Variants in CEP290 observed in about 807,000 individuals in gnomAD.
The protein encoded by CEP290 is centrosomal protein of 290 kDa.
In CEP290, 317 loss-of-function variants were observed where a neutral mutation model predicts 344.9. The ratio of observed to expected loss-of-function variants is 0.92; its 90% CI spans 0.84 to 1.01. CEP290 has a LOEUF of 1.01. Among genes scored for constraint, CEP290 ranks in the 50% least tolerant of loss-of-function variants. CEP290 has a pLI of 0.00. For missense variants in CEP290, 2,754 were observed against 2,761.4 expected (o/e 1.00, Z 0.06); for synonymous variants, 932 against 895.8 (o/e 1.04, Z -0.72).
intron 47 of CEP290, 76 bp from the exon 48 acceptor site, chr12:88,060,096 A>G (rs1447495567): frequency 8.2e-7 from 1 of 1,222,706 alleles, no homozygotes; most frequent in African/African-American, 1.6e-5. Context: ...ATAAACTCAT[A>G]AATCTTCAAA....
At chr12:88,052,909 TTCTC>T (rs1012989650) in intron 52 of CEP290, among the ~76,000 whole-genome samples, 7 of 152,100 alleles carry the variant, frequency 4.6e-5, no homozygotes, top group Admixed American at 6.6e-5. Context: ...CTCTGCTCAT[TTCTC>T]TATGAAAACT....
At chr12:88,084,467 T>G in intron 35 of CEP290, 119 bp downstream of exon 35, 1 of 948,900 alleles carries the variant, frequency 1.1e-6, no homozygotes, top group Non-Finnish European at 1.6e-6. Context: ...CAAGTAACAA[T>G]TCTTAAATAG....
chr12:88,065,839 G>C (rs1434696519), intron 44 of CEP290, among the ~76,000 whole-genome samples: 2 of 152,018 alleles, frequency 1.3e-5, no homozygotes, highest in East Asian at 3.9e-4. Flanking sequence ...TAAAACTAAA[G>C]GTATTCGTTG....
intron 22 of CEP290, among the ~76,000 whole-genome samples, chr12:88,110,290 T>C (rs2038588257): frequency 6.6e-6 from 1 of 152,156 alleles, no homozygotes; most frequent in South Asian, 2.1e-4. Context: ...TAACGACCAT[T>C]ATATAGACAG....
At chr12:88,094,725 A>C (rs986363231) in intron 27 of CEP290, among the ~76,000 whole-genome samples, 2 of 152,098 alleles carry the variant, frequency 1.3e-5, no homozygotes, top group African/African-American at 2.4e-5. Flanking sequence ...TAGAAAAAAA[A>C]CAAAATTTGG....
intron 12 of CEP290, among the ~76,000 whole-genome samples, chr12:88,125,936 T>C (rs948556980): frequency 3.9e-5 from 6 of 152,064 alleles, no homozygotes; most frequent in Admixed American, 2.0e-4. Flanking sequence ...GCTTTTAGCT[T>C]ATTTCACATT....
rs2037245790 is a variant in CEP290, at chr12:88,093,989, T to C, written c.3104-14A>G. 1.3e-6 allele frequency: 2 copies of C among 1,567,344 alleles called. No individual in the cohort carries two copies. Among genetic ancestry groups the C allele is most frequent in the South Asian group, 2.4e-5 (2 of 84,940 alleles). ...TAGATTCATTACCTACATGCAATAATATTTAAGTCAATCTCATGCTGTTTA... is the reference window on the plus strand; with the variant it reads ...TAGATTCATTACCTACATGCAATAACATTTAAGTCAATCTCATGCTGTTTA... On this transcript the variant is annotated splice_polypyrimidine_tract_variant and intron_variant, in intron 27 of 53. Transcript: ENST00000552810.
chr12:88,099,201 AC>A (rs1220524095), intron 26 of CEP290, among the ~76,000 whole-genome samples: 2 of 152,186 alleles, frequency 1.3e-5, no homozygotes, highest in Non-Finnish European at 2.9e-5. Context: ...CATTTGGAAA[AC>A]AAAAATGGTA....
chr12:88,077,615 C>T, intron 40 of CEP290, 82 bp downstream of exon 40: 1 of 871,480 alleles, frequency 1.1e-6, no homozygotes, highest in Non-Finnish European at 1.7e-6. Context: ...TAACAAATAC[C>T]ATAGATAAAA....
chr12:88,053,064 G>C (rs937540917), intron 52 of CEP290, among the ~76,000 whole-genome samples: 6 of 152,140 alleles, frequency 3.9e-5, no homozygotes, highest in African/African-American at 1.4e-4. Context: ...ACTTTAGTGA[G>C]GAGGTGATTT....
chr12:88,059,996 G>A lies in CEP290; in HGVS notation c.6547C>T (p.His2183Tyr), dbSNP rs535765861. The A allele has an allele frequency of 7.0e-6, 11 of 1,565,602 alleles. No individual in the cohort carries two copies. Among genetic ancestry groups the A allele is most frequent in the Admixed American group, 2.0e-5 (1 of 50,778 alleles). The change falls in exon 48 of 54, where the codon CAT (histidine) becomes TAT (tyrosine). Residue 2183 changes from histidine (H) to tyrosine (Y), a missense_variant. By Grantham distance (83) the His-to-Tyr change is moderately conservative (BLOSUM62 2). Transcript: ENST00000552810. ...LKAELEKLKA[H>Y]LGHQLSMHYE... ...TGCATGCTCAACTGATGCCCAAGATGAGCTTTAAGTTTTTCTAATTCAGCC... is the reference window on the plus strand; with the variant it reads ...TGCATGCTCAACTGATGCCCAAGATAAGCTTTAAGTTTTTCTAATTCAGCC...
Position 88,049,291 on chromosome 12 carries a change from CCTTCTCTTCTAAGAGAATATTCTT to C in CEP290, c.7309_7332del (p.Lys2437_Lys2444del). 1 of 1,605,640 alleles carries C rather than the reference CCTTCTCTTCTAAGAGAATATTCTT, an allele frequency of 6.2e-7. No individual in the cohort carries two copies. The highest frequency in any genetic ancestry group is 8.5e-7 in the Non-Finnish European group (1 of 1,174,272). Reference sequence around the variant, plus strand: ...CCCAATTGTTCTGAAAGTTTTTTTACCTTCTCTTCTAAGAGAATATTCTTCTTCACTTCTTCCTTGTAATTATAC... The same window carrying C: ...CCCAATTGTTCTGAAAGTTTTTTTACCTTCACTTCTTCCTTGTAATTATAC... On this transcript the variant is annotated inframe_deletion, in exon 54 of 54. Transcript: ENST00000552810.
intron 12 of CEP290, among the ~76,000 whole-genome samples, chr12:88,125,838 A>T (rs532122024): frequency 2.8e-4 from 42 of 152,186 alleles, no homozygotes; most frequent in African/African-American, 9.4e-4. Context: ...GACTATAACT[A>T]CAGCACAAAT....
In CEP290 at chr12:88,130,553, T is replaced by A. The variant is rs772170760; in HGVS notation, c.508A>T (p.Lys170Ter). ...CACACTTAAAGCCTCACCTTTTTCT[T>A]TAGACGTTTGTTCTACAGAAAAGGA... ...SKLRRENKRL[K>*]KKNEQLCQDI... The change falls in exon 8 of 54, where the codon AAG becomes TAG. Residue 170 changes from lysine to a stop codon, truncating the protein, a stop_gained. Transcript: ENST00000552810. LOFTEE classifies it high-confidence loss of function. 13 of 1,591,850 alleles carry A rather than the reference T, an allele frequency of 8.2e-6. No individual in the cohort carries two copies. In the Admixed American group the frequency reaches 1.6e-4, roughly 20 times the overall value.
intron 32 of CEP290, 137 bp from the exon 33 acceptor site, chr12:88,086,635 T>C: frequency 1.7e-6 from 1 of 604,170 alleles, no homozygotes; most frequent in Non-Finnish European, 2.7e-6. Flanking sequence ...TGGAAAAAAA[T>C]ACAAACTCAG....
At chr12:88,071,563 G>A in intron 42 of CEP290, 114 bp from the exon 43 acceptor site, 1 of 955,770 alleles carries the variant, frequency 1.0e-6, no homozygotes, top group Non-Finnish European at 1.5e-6. Context: ...TTTGTCATAA[G>A]CTAATTTACA....
At position 88,102,873 on chromosome 12, in the gene CEP290, G is replaced by C. The variant is rs765057723; in HGVS notation, c.2956C>G (p.Leu986Val). ...YRDILQKDNMLVQRTSNLEHL... is the reference protein window; with the variant it reads ...YRDILQKDNMVVQRTSNLEHL... ...TCCAAGTTACTTGTTCTTTGAACAA[G>C]CATATTATCTTTTTGCAAGATGTCC... Residue 986 changes from leucine (L) to valine (V), a missense_variant, in exon 26 of 54, where the codon CTT (leucine) becomes GTT (valine). Coordinates refer to ENST00000552810, the MANE Select transcript of CEP290 (RefSeq NM_025114.4). 2.7e-5 allele frequency: 43 copies of C among 1,610,038 alleles called. No homozygotes were observed. Among genetic ancestry groups the C allele is most frequent in the Non-Finnish European group, 3.4e-5 (40 of 1,178,288 alleles).
chr12:88,112,662 A>C, intron 20 of CEP290, among the ~76,000 whole-genome samples: 1 of 152,106 alleles, frequency 6.6e-6, no homozygotes. Context: ...TAGAAGCCAA[A>C]TAAGGTAAAA....
At chr12:88,067,154 CTAAAG>C (rs2034997899) in intron 44 of CEP290, among the ~76,000 whole-genome samples, 1 of 151,532 alleles carries the variant, frequency 6.6e-6, no homozygotes, top group Non-Finnish European at 1.5e-5. Flanking sequence ...ACAATCAACT[CTAAAG>C]TACCTTATTT....
Sources: gnomAD v4.1 joint callset for allele counts (sites outside exome capture counted in the v4.1 genomes callset) on GRCh38, gnomAD v4.1.1 for gene constraint, MANE v1.5 for transcripts, NCBI Gene and HGNC (gene_info 2026-07-23, HGNC 2026-07-21) for gene names.